Variants in HACD3 observed in about 807,000 individuals in gnomAD.
The protein encoded by HACD3 is 3-hydroxyacyl-CoA dehydratase 3.
HACD3 carries 30 observed loss-of-function variants against 55.2 expected under a neutral mutation model. The ratio of observed to expected loss-of-function variants is 0.54; its 90% confidence interval spans 0.41 to 0.74. HACD3 has a LOEUF of 0.74. Among genes scored for constraint, HACD3 ranks in the 30% least tolerant of loss-of-function variants. HACD3 has a pLI of 0.00. For missense variants in HACD3, 363 were observed against 440.1 expected (o/e 0.82, Z 1.57); for synonymous variants, 141 against 151.7 (o/e 0.93, Z 0.52).
At chr15:65,568,752 T>C (rs1222157422) in intron 7 of HACD3, among the ~76,000 whole-genome samples, 1 of 152,158 alleles carries the variant, frequency 6.6e-6, no homozygotes, top group Non-Finnish European at 1.5e-5. Flanking sequence ...ATTGGGGACT[T>C]ACCCTATAAA....
At chr15:65,551,956 AAG>A (rs2072137364) in intron 2 of HACD3, 6 of 428,350 alleles carry the variant, frequency 1.4e-5, no homozygotes, top group Non-Finnish European at 2.5e-5. Flanking sequence ...AAAAAAAAAA[AAG>A]AATCCTGGGT....
At chr15:65,562,058 G>A (rs894095867) in intron 5 of HACD3, among the ~76,000 whole-genome samples, 3 of 152,226 alleles carry the variant, frequency 2.0e-5, no homozygotes, top group East Asian at 1.9e-4. Flanking sequence ...AGGAACCTCC[G>A]TGTGTTCAGC....
chr15:65,556,850 G>A lies in HACD3; in HGVS notation c.316G>A (p.Asp106Asn), dbSNP rs372672939. 6.2e-7 allele frequency: 1 copy of A among 1,613,064 alleles called. No individual in the cohort carries two copies. The highest frequency in any genetic ancestry group is 8.5e-7 in the Non-Finnish European group (1 of 1,179,538). Residue 106 changes from aspartate (D) to asparagine (N), a missense_variant, in exon 4 of 11, where the codon GAC (aspartate) becomes AAC (asparagine). Coordinates refer to ENST00000261875, the MANE Select transcript of HACD3 (RefSeq NM_016395.4). ...QEKRPLFLAP[D>N]FDRWLDESDA... is the part of the protein sequence containing the mutation. ...AAAGCGACCACTGTTTTTGGCTCCT[G>A]ACTTTGATCGTTGGCTGGATGAATC... is the stretch of plus-strand genomic sequence containing the variant.
chr15:65,540,052 TTTTA>T (rs1486708554), intron 1 of HACD3, among the ~76,000 whole-genome samples: 2 of 152,344 alleles, frequency 1.3e-5, no homozygotes, highest in African/African-American at 4.8e-5. Context: ...TCTGTTTCTG[TTTTA>T]TTTCTTTTTT....
At chr15:65,553,640 TTA>T (rs1168325422) in intron 2 of HACD3, among the ~76,000 whole-genome samples, 25 of 152,342 alleles carry the variant, frequency 1.6e-4, no homozygotes, top group African/African-American at 6.0e-4. Context: ...TTTTTGGGAA[TTA>T]TATACATTTA....
At chr15:65,548,512 CAAAA>C (rs5813362) in intron 1 of HACD3, among the ~76,000 whole-genome samples, 4 of 79,202 alleles carry the variant, frequency 5.1e-5, no homozygotes. Flanking sequence ...GATTCTGTCT[CAAAA>C]AAAAAAAAAA....
chr15:65,568,321 A>G (rs1258139985), intron 7 of HACD3, among the ~76,000 whole-genome samples: 3 of 152,098 alleles, frequency 2.0e-5, no homozygotes, highest in Non-Finnish European at 2.9e-5. Context: ...CCACTCAACT[A>G]AACACTTAAA....
intron 1 of HACD3, among the ~76,000 whole-genome samples, chr15:65,542,916 A>T (rs2072035566): frequency 6.6e-6 from 1 of 152,082 alleles, no homozygotes; most frequent in Non-Finnish European, 1.5e-5. Context: ...TCTACTAAAA[A>T]TACAGAAATT....
chr15:65,562,950 G>A, intron 6 of HACD3, 66 bp downstream of exon 6: 1 of 1,584,434 alleles, frequency 6.3e-7, no homozygotes, highest in Non-Finnish European at 8.6e-7. Context: ...TCACCAAAGG[G>A]AGCACTCTCT....
In HACD3 at chr15:65,530,653, C is replaced by T. The variant is rs1238067394; in HGVS notation, c.22C>T (p.Pro8Ser). MENQVLT[P>S]HVYWAQRHRE... The stretch of plus-strand genomic sequence containing the variant: ...GGCCATGGAGAATCAGGTGTTGACG[C>T]CGCATGTCTACTGGGCTCAGCGACA... The change falls in exon 1 of 11, where the codon CCG becomes TCG. Residue 8 changes from proline (P) to serine (S), a missense_variant. Physicochemically the swap from Pro to Ser is moderately conservative, Grantham distance 74 (BLOSUM62 -1). Coordinates refer to ENST00000261875, the MANE Select transcript of HACD3 (RefSeq NM_016395.4). 6.3e-7 allele frequency: 1 copy of T among 1,581,390 alleles called. No homozygotes were observed. The highest frequency in any genetic ancestry group is 1.8e-5 in the Admixed American group (1 of 55,366).
At chr15:65,569,433 G>C (rs1482345948) in intron 7 of HACD3, among the ~76,000 whole-genome samples, 1 of 152,056 alleles carries the variant, frequency 6.6e-6, no homozygotes, top group Non-Finnish European at 1.5e-5. Flanking sequence ...CCATGGGCCA[G>C]GCACAGTGGC....
Position 65,555,006 on chromosome 15 carries a change from A to T in HACD3, c.204+46A>T, listed in dbSNP as rs753474921. The T allele has an allele frequency of 2.8e-6, 4 of 1,425,308 alleles. No individual in the cohort carries two copies. The Admixed American group carries it at 6.7e-5, about 24-fold the overall frequency. 88.3% of individuals were successfully genotyped at this position (1,425,308 alleles called of 1,614,324 possible). ...CTTCCCTTCCCATTTTAGGAAATGA[A>T]TACCAGTAGTTTAGTGAAATGGGGA... On this transcript the variant is annotated intron_variant, in intron 3 of 10. Transcript: ENST00000261875.
rs769934667 is a variant in HACD3, at chr15:65,571,662, C to G, written c.880+8C>G. The G allele has an allele frequency of 1.2e-5, 19 of 1,600,338 alleles. No individual in the cohort carries two copies. Among genetic ancestry groups the G allele is most frequent in the Non-Finnish European group, 1.6e-5 (19 of 1,167,830 alleles). ...TGGGATGTTTGGCGGAAGGTACTCT[C>G]AGGGACTCTTAGCTTTCATAGCTTA... On this transcript the variant is annotated splice_region_variant and intron_variant, in intron 9 of 10. Transcript: ENST00000261875.
In HACD3 at chr15:65,577,868, A is replaced by T. The variant is rs890268728; in HGVS notation, c.*1489A>T. On this transcript the variant is annotated 3_prime_UTR_variant, in exon 11 of 11. Coordinates refer to ENST00000261875, the MANE Select transcript of HACD3 (RefSeq NM_016395.4). ...AAAAAGGAGAACTGAAAATTTAGAC[A>T]TACAGTTGGCCATTGTAAAAAACAT... The T allele has an allele frequency of 6.6e-6, 1 of 152,650 alleles. No individual in the cohort carries two copies. The highest frequency in any genetic ancestry group is 1.5e-5 in the Non-Finnish European group (1 of 68,046). 9.5% of individuals were successfully genotyped at this position (152,650 alleles called of 1,614,324 possible). A position where few individuals can be genotyped will look rare whatever the true frequency, so the allele number is the denominator to read the frequency against.
Position 65,572,386 on chromosome 15 carries a change from T to C in HACD3, c.1012+20T>C, listed in dbSNP as rs1292569517. The C allele has an allele frequency of 6.5e-7, 1 of 1,547,742 alleles. No individual in the cohort carries two copies. The highest frequency in any genetic ancestry group is 1.2e-5 in the South Asian group (1 of 83,940). On this transcript the variant is annotated intron_variant, in intron 10 of 10. Coordinates refer to ENST00000261875, the MANE Select transcript of HACD3 (RefSeq NM_016395.4). ...TTTTAGGTAAGTATTGATTCTTTAATACAGACTTTTTCTTGTCACTTCTTA... is the reference window on the plus strand; with the variant it reads ...TTTTAGGTAAGTATTGATTCTTTAACACAGACTTTTTCTTGTCACTTCTTA...
chr15:65,538,284 A>C (rs965994850), intron 1 of HACD3, among the ~76,000 whole-genome samples: 1 of 152,202 alleles, frequency 6.6e-6, no homozygotes, highest in Admixed American at 6.6e-5. Context: ...CATTAAGATC[A>C]TTTGTGATTC....
chr15:65,561,910 G>A (rs892452382), intron 5 of HACD3, among the ~76,000 whole-genome samples: 2 of 152,172 alleles, frequency 1.3e-5, no homozygotes, highest in African/African-American at 4.8e-5. Context: ...TTGCTAGCGT[G>A]GCTCCACAGA....
chr15:65,557,652 T>A (rs968926507), intron 4 of HACD3, among the ~76,000 whole-genome samples: 30 of 152,164 alleles, frequency 2.0e-4, no homozygotes, highest in Admixed American at 1.6e-3. Context: ...GGAGTTATGC[T>A]TCCTGTCCTT....
intron 1 of HACD3, among the ~76,000 whole-genome samples, chr15:65,542,241 A>G (rs1246240121): frequency 6.9e-6 from 1 of 145,860 alleles, no homozygotes; most frequent in Non-Finnish European, 1.5e-5. Flanking sequence ...AAAAAAAAAA[A>G]AAAAAGAAAA....
Sources: allele counts gnomAD v4.1 joint callset (sites outside exome capture counted in the v4.1 genomes callset), GRCh38; gene constraint gnomAD v4.1.1; transcripts MANE v1.5; gene names NCBI Gene and HGNC (gene_info 2026-07-23, HGNC 2026-07-21).